UNC79: variants seen among roughly 807,000 people sequenced by gnomAD.
The protein encoded by UNC79 is unc-79 subunit of NALCN channel complex, also known as protein unc-79 homolog.
In UNC79, 37 loss-of-function variants were observed where a neutral mutation model predicts 283.1. That is an observed-to-expected ratio of 0.13 (90% CI 0.10 to 0.17). UNC79 has a LOEUF of 0.17. Among genes scored for constraint, UNC79 ranks in the 10% least tolerant of loss-of-function variants. The pLI, the probability that UNC79 is intolerant of heterozygous loss-of-function variation, is 1.00. For synonymous variants in UNC79, 1,107 were observed against 1,200.2 expected, an observed-to-expected ratio of 0.92 and a Z score of 1.61; for missense variants, 2,272 against 3,211.1, an observed-to-expected ratio of 0.71 and a Z score of 7.07.
At chr14:93,528,932 C>T (rs2060670435) in intron 9 of UNC79, among the ~76,000 whole-genome samples, 1 of 152,092 alleles carries the variant, frequency 6.6e-6, no homozygotes, top group Middle Eastern at 3.2e-3. Flanking sequence ...CAGAGAAAAA[C>T]AGATGTAAAA....
chr14:93,586,635 A>G (rs745459380), exon 21 of UNC79: 1 of 1,613,906 alleles, frequency 6.2e-7, no homozygotes, highest in South Asian at 1.1e-5. Flanking sequence ...TGCTACCAAC[A>G]GCTTCCGGTA....
intron 40 of UNC79, among the ~76,000 whole-genome samples, chr14:93,665,622 CAAAG>C: frequency 6.6e-6 from 1 of 150,680 alleles, no homozygotes; most frequent in Middle Eastern, 3.4e-3. Context: ...ACAGTCAAGA[CAAAG>C]AAAATATTTT....
At chr14:93,601,097 C>G (rs569031652) in intron 25 of UNC79, among the ~76,000 whole-genome samples, 2 of 152,172 alleles carry the variant, frequency 1.3e-5, no homozygotes, top group African/African-American at 4.8e-5. Context: ...CAAACTCACT[C>G]TTGCATACTT....
intron 1 of UNC79, among the ~76,000 whole-genome samples, chr14:93,389,466 T>C (rs114772863): frequency 1.4e-3 from 207 of 152,262 alleles, no homozygotes; most frequent in African/African-American, 4.6e-3. Context: ...CAGTTCCATT[T>C]TCCTGGAGGC....
intron 22 of UNC79, among the ~76,000 whole-genome samples, chr14:93,588,835 G>A (rs1170031228): frequency 6.6e-6 from 1 of 151,568 alleles, no homozygotes; most frequent in Non-Finnish European, 1.5e-5. Flanking sequence ...GTTAGTGGGT[G>A]CAAGTTCTGG....
chr14:93,452,687 C>T (rs918113996), intron 1 of UNC79, among the ~76,000 whole-genome samples: 4 of 151,806 alleles, frequency 2.6e-5, no homozygotes, highest in Non-Finnish European at 4.4e-5. Flanking sequence ...TGCACCTGGC[C>T]GAATTTTTTA....
At chr14:93,562,323 G>T (rs966180415) in intron 14 of UNC79, among the ~76,000 whole-genome samples, 1 of 152,208 alleles carries the variant, frequency 6.6e-6, no homozygotes, top group African/African-American at 2.4e-5. Context: ...GTAGGCAAGA[G>T]AAGATTAGCA....
chr14:93,676,257 G>A (rs537347040), intron 41 of UNC79, among the ~76,000 whole-genome samples: 3 of 152,104 alleles, frequency 2.0e-5, no homozygotes, highest in Middle Eastern at 6.8e-3. Flanking sequence ...ATGGGGATTG[G>A]CCATGTTGCG....
Position 93,333,796 on chromosome 14 carries a change from G to A in UNC79, c.-351+273G>A, listed in dbSNP as rs192884698. ...ACTGTCGTTTTCCAGAGAGATCCAT[G>A]GTTTCATTTGAACGCCAAAGCCACC... On this transcript the variant is annotated intron_variant, in intron 1 of 49. Transcript: ENST00000256339. 4.3e-3 allele frequency among the ~76,000 whole-genome samples: 648 copies of A among 152,188 alleles called. 4 individuals are homozygous for A. Among genetic ancestry groups the A allele is most frequent in the African/African-American group, 0.014 (568 of 41,524 alleles).
Position 93,690,246 on chromosome 14 carries a change from C to T in UNC79, c.7215C>T (p.Gly2405=). The change falls in exon 45 of 49, where the codon GGC becomes GGT. Residue 2405 remains glycine, a synonymous_variant. Transcript: ENST00000555664. This position sits in a 1 kb window ranked among gnomAD's most constrained non-coding sequence, Gnocchi z 4.3. The stretch of plus-strand genomic sequence containing the variant: ...GCCTGCCCATTCCTCTGGATGCAGG[C>T]TCCCACGTTGCAGACCATCTTATTG... 1 of 1,614,160 alleles carries T rather than the reference C, an allele frequency of 6.2e-7. No individual in the cohort carries two copies. The highest frequency in any genetic ancestry group is 1.1e-5 in the South Asian group (1 of 91,074).
At chr14:93,592,891 C>A (rs978394205) in intron 22 of UNC79, among the ~76,000 whole-genome samples, 3 of 152,322 alleles carry the variant, frequency 2.0e-5, no homozygotes, top group Admixed American at 6.5e-5. Flanking sequence ...CTTTCTCACT[C>A]CCTCCCCATC....
intron 1 of UNC79, among the ~76,000 whole-genome samples, chr14:93,418,020 G>C (rs986523993): frequency 9.2e-5 from 14 of 151,822 alleles, no homozygotes; most frequent in African/African-American, 3.4e-4. Flanking sequence ...CTCTCAACTC[G>C]TCAAAGTCAT....
rs773864410 is a variant in UNC79, at chr14:93,600,620, C to A, written c.3424C>A (p.Pro1142Thr). Residue 1142 changes from proline (P) to threonine (T), a missense_variant, in exon 25 of 49, where the codon CCC (proline) becomes ACC (threonine). Physicochemically the swap from Pro to Thr is conservative, Grantham distance 38 (BLOSUM62 -1). Coordinates refer to ENST00000555664, the Ensembl canonical transcript of UNC79. ...GTTTGATACTGTGGTTAAAGACAGA[C>A]CCACAATTTTGAGCAAGCTTTTACT... 1.5e-5 allele frequency: 25 copies of A among 1,613,628 alleles called. 1 individual carries two copies. The highest frequency in any genetic ancestry group is 2.1e-5 in the Non-Finnish European group (25 of 1,179,904).
chr14:93,624,995 C>A (rs1281223440), intron 30 of UNC79, among the ~76,000 whole-genome samples: 1 of 152,218 alleles, frequency 6.6e-6, no homozygotes, highest in Admixed American at 6.5e-5. Flanking sequence ...ATCCCTCACT[C>A]AGAGCTCCAC....
Position 93,593,842 on chromosome 14 carries a change from C to T in UNC79, c.3190+5C>T. On this transcript the variant is annotated splice_donor_5th_base_variant and intron_variant, in intron 23 of 48. Transcript: ENST00000555664. Reference sequence around the variant, plus strand: ...GGAAGATGAGGTTTGAAGCAGGTACCTCTGTGTTAGCTTAAAACTCATTCT... The same window carrying T: ...GGAAGATGAGGTTTGAAGCAGGTACTTCTGTGTTAGCTTAAAACTCATTCT... 6.2e-7 allele frequency: 1 copy of T among 1,612,106 alleles called. No individual in the cohort carries two copies. Among genetic ancestry groups the T allele is most frequent in the Non-Finnish European group, 8.5e-7 (1 of 1,178,978 alleles).
intron 1 of UNC79, among the ~76,000 whole-genome samples, chr14:93,390,184 T>C (rs1322238488): frequency 1.3e-5 from 2 of 152,220 alleles, no homozygotes; most frequent in African/African-American, 2.4e-5. Flanking sequence ...ATCAATGTAA[T>C]GTACTACATT....
At chr14:93,347,375 A>T (rs1198380771) in intron 1 of UNC79, 1 of 1,484,440 alleles carries the variant, frequency 6.7e-7, no homozygotes, top group South Asian at 1.2e-5. Flanking sequence ...CCCCCGCGCC[A>T]GCGGCCCCTG....
intron 32 of UNC79, among the ~76,000 whole-genome samples, 199 bp from the exon 36 acceptor site, chr14:93,640,946 A>T (rs1159151584): frequency 6.6e-6 from 1 of 152,118 alleles, no homozygotes; most frequent in Non-Finnish European, 1.5e-5. Flanking sequence ...CTAGCTCTTC[A>T]CTTCAACCAA....
chr14:93,532,097 T>C (rs1430048078), intron 10 of UNC79, among the ~76,000 whole-genome samples: 1 of 151,704 alleles, frequency 6.6e-6, no homozygotes, highest in Non-Finnish European at 1.5e-5. Context: ...CAAGTGAAAA[T>C]CTGTTTGGGC....
Sources: allele counts gnomAD v4.1 joint callset (sites outside exome capture counted in the v4.1 genomes callset), GRCh38; gene constraint gnomAD v4.1.1; non-coding constraint Gnocchi (gnomAD v3.1); transcripts MANE v1.5; gene names NCBI Gene and HGNC (gene_info 2026-07-23, HGNC 2026-07-21).